MTERF3: variants seen among roughly 807,000 people sequenced by gnomAD.
The protein encoded by MTERF3 is transcription termination factor 3, mitochondrial.
MTERF3 carries 40 observed loss-of-function variants against 40.5 expected under a neutral mutation model. That is an observed-to-expected ratio of 0.99 (90% CI 0.77 to 1.29). The LOEUF (loss-of-function observed/expected upper bound fraction) is 1.29, where lower values mean the gene tolerates loss of function less well. Ranked by LOEUF, MTERF3 falls within the 50% of genes most tolerant of loss-of-function variation. The pLI, the probability that MTERF3 is intolerant of heterozygous loss-of-function variation, is 0.00. For missense variants in MTERF3, 452 were observed against 478.2 expected, an observed-to-expected ratio of 0.95 and a Z score of 0.51; for synonymous variants, 158 against 166.6, an observed-to-expected ratio of 0.95 and a Z score of 0.40.
In MTERF3 at chr8:96,250,523, C is replaced by T. The variant is rs192464566; in HGVS notation, c.677+383G>A. 8.3e-4 allele frequency among the ~76,000 whole-genome samples: 119 copies of T among 143,114 alleles called. 1 individual carries two copies. Among genetic ancestry groups the T allele is most frequent in the Middle Eastern group, 7.1e-3 (2 of 282 alleles). 93.9% of individuals were successfully genotyped at this position (143,114 alleles called of 152,430 possible). ...GTCAGGAGTTCGAGAACAGCCTGGC[C>T]AATGTGGCGAAACCCCATCTCTCCT... On this transcript the variant is annotated intron_variant, in intron 4 of 7. Coordinates refer to ENST00000287025, the MANE Select transcript of MTERF3 (RefSeq NM_015942.5).
At chr8:96,255,020 A>G (rs1420608463) in intron 3 of MTERF3, among the ~76,000 whole-genome samples, 2 of 152,230 alleles carry the variant, frequency 1.3e-5, no homozygotes, top group African/African-American at 2.4e-5. Context: ...GTGGCAAGCC[A>G]TGAAGCTGAA....
At chr8:96,254,958 G>C (rs1368885851) in intron 3 of MTERF3, among the ~76,000 whole-genome samples, 1 of 152,208 alleles carries the variant, frequency 6.6e-6, no homozygotes, top group Non-Finnish European at 1.5e-5. Context: ...GAAGTTACTT[G>C]GACTTCAGTG....
intron 3 of MTERF3, among the ~76,000 whole-genome samples, chr8:96,256,646 T>C (rs1810284557): frequency 1.3e-5 from 2 of 152,176 alleles, no homozygotes; most frequent in South Asian, 4.1e-4. Flanking sequence ...GAAAAGTACA[T>C]GTGTACATAC....
At chr8:96,259,175 T>C (rs960783840) in intron 1 of MTERF3, among the ~76,000 whole-genome samples, 1 of 152,236 alleles carries the variant, frequency 6.6e-6, no homozygotes, top group Non-Finnish European at 1.5e-5. Context: ...TATATAAATT[T>C]GTCCCAAAAT....
At position 96,246,456 on chromosome 8, in the gene MTERF3, TAG is replaced by T; in HGVS notation, c.678-4_678-3del. On this transcript the variant is annotated splice_polypyrimidine_tract_variant and splice_region_variant and intron_variant, in intron 4 of 7. Transcript: ENST00000287025. ...TTTTTTGAATGCAGATAAGCCACCC[TAG>T]AGAAACATAAATACATACGCATGTG... 7 of 1,603,970 alleles carry T rather than the reference TAG, an allele frequency of 4.4e-6. No homozygotes were observed. The highest frequency in any genetic ancestry group is 5.9e-6 in the Non-Finnish European group (7 of 1,176,842).
chr8:96,256,909 A>G (rs1810288553), intron 3 of MTERF3, 53 bp downstream of exon 3: 1 of 1,505,142 alleles, frequency 6.6e-7, no homozygotes, highest in African/African-American at 1.4e-5. Context: ...AAAAAAGTAA[A>G]AAAAGTAATG....
intron 1 of MTERF3, 24 bp from the exon 2 acceptor site, chr8:96,258,724 C>A: frequency 9.7e-6 from 14 of 1,450,620 alleles, no homozygotes; most frequent in South Asian, 5.7e-5. Flanking sequence ...ATATAACCGT[C>A]AAAAGAAGAG....
chr8:96,248,936 T>C (rs1046005513), intron 4 of MTERF3, among the ~76,000 whole-genome samples: 1 of 152,192 alleles, frequency 6.6e-6, no homozygotes, highest in African/African-American at 2.4e-5. Flanking sequence ...TGTATACTCT[T>C]TTGAATACAT....
At chr8:96,250,190 G>A (rs187553043) in intron 4 of MTERF3, among the ~76,000 whole-genome samples, 1 of 152,038 alleles carries the variant, frequency 6.6e-6, no homozygotes, top group African/African-American at 2.4e-5. Context: ...TTACGGAAAT[G>A]ATTAAGCAAA....
intron 4 of MTERF3, among the ~76,000 whole-genome samples, chr8:96,250,508 C>T (rs995940500): frequency 4.9e-5 from 7 of 143,786 alleles, no homozygotes; most frequent in East Asian, 4.0e-4. Flanking sequence ...GTCAGGAGTT[C>T]GAGAACAGCC....
chr8:96,239,783 C>A, intron 7 of MTERF3, 98 bp from the exon 8 acceptor site: 3 of 800,390 alleles, frequency 3.7e-6, no homozygotes, highest in Non-Finnish European at 6.3e-6. Context: ...TAACCAATAC[C>A]AAGTACTGAC....
intron 7 of MTERF3, 42 bp downstream of exon 7, chr8:96,243,877 C>T (rs1248559332): frequency 1.1e-5 from 18 of 1,593,270 alleles, no homozygotes; most frequent in Middle Eastern, 1.7e-4. Context: ...CCAAATGAAG[C>T]GCAATGGCAG....
chr8:96,260,939 T>C (rs1799419883), intron 1 of MTERF3, among the ~76,000 whole-genome samples: 1 of 152,210 alleles, frequency 6.6e-6, no homozygotes, highest in African/African-American at 2.4e-5. Flanking sequence ...GCTTACACAG[T>C]ATGCAAAAGC....
At chr8:96,240,562 C>T (rs143155217) in intron 7 of MTERF3, among the ~76,000 whole-genome samples, 51 of 152,196 alleles carry the variant, frequency 3.4e-4, no homozygotes, top group African/African-American at 1.2e-3. Flanking sequence ...AGTAAAACTC[C>T]TAAAAACTAG....
chr8:96,246,155 T>C (rs966465337), intron 5 of MTERF3, 152 bp downstream of exon 5: 90 of 840,674 alleles, frequency 1.1e-4, no homozygotes, highest in Non-Finnish European at 1.5e-4. Flanking sequence ...TGGAGCTCTA[T>C]GTTTAAACTA....
chr8:96,250,161 A>G (rs183276520), intron 4 of MTERF3, among the ~76,000 whole-genome samples: 6 of 152,310 alleles, frequency 3.9e-5, no homozygotes, highest in African/African-American at 1.2e-4. Context: ...GAAAACAAGG[A>G]ACAACCAAAA....
chr8:96,256,938 T>G, intron 3 of MTERF3, 24 bp downstream of exon 3: 1 of 1,583,268 alleles, frequency 6.3e-7, no homozygotes, highest in Non-Finnish European at 8.6e-7. Flanking sequence ...ATGCAAAAAG[T>G]ACTTGTAGTT....
chr8:96,244,113 T>A lies in MTERF3; in HGVS notation c.898-33A>T, dbSNP rs6993518. The A allele has an allele frequency of 0.46, 722,804 of 1,576,122 alleles. 169,266 individuals carry two copies. Among genetic ancestry groups the A allele is most frequent in the African/African-American group, 0.54 (39,312 of 73,464 alleles). The stretch of plus-strand genomic sequence containing the variant: ...AAAGTAAATTTGCTATGAATCGTTA[T>A]GTAGAAATAGTTATTTTGGTACCAT... On this transcript the variant is annotated intron_variant, in intron 6 of 7. Coordinates refer to ENST00000287025, the MANE Select transcript of MTERF3 (RefSeq NM_015942.5).
intron 3 of MTERF3, among the ~76,000 whole-genome samples, 176 bp from the exon 4 acceptor site, chr8:96,251,271 G>A (rs905081659): frequency 4.6e-5 from 7 of 152,146 alleles, no homozygotes; most frequent in Admixed American, 3.9e-4. Context: ...AAACAACATA[G>A]TATTTATTTT....
Sources: allele counts gnomAD v4.1 joint callset (sites outside exome capture counted in the v4.1 genomes callset), GRCh38; gene constraint gnomAD v4.1.1; transcripts MANE v1.5; gene names NCBI Gene and HGNC (gene_info 2026-07-23, HGNC 2026-07-21).